CPA6: variants seen among roughly 807,000 people sequenced by gnomAD.
CPA6 encodes the protein carboxypeptidase B.
In CPA6, 58 loss-of-function variants were observed where a neutral mutation model predicts 63.3. That is an observed-to-expected ratio of 0.92 (90% CI 0.74 to 1.14). CPA6 has a LOEUF of 1.14. Ranked by LOEUF, CPA6 falls within the 50% of genes most tolerant of loss-of-function variation. The pLI, the probability that CPA6 is intolerant of heterozygous loss-of-function variation, is 0.00. For synonymous variants in CPA6, 185 were observed against 179.0 expected, an observed-to-expected ratio of 1.03 and a Z score of -0.27; for missense variants, 565 against 526.6, an observed-to-expected ratio of 1.07 and a Z score of -0.71.
intron 2 of CPA6, among the ~76,000 whole-genome samples, chr8:67,557,477 T>C (rs1813090245): frequency 6.6e-6 from 1 of 152,224 alleles, no homozygotes; most frequent in African/African-American, 2.4e-5. Context: ...ATTGCATCAG[T>C]TGGCTCTAGT....
chr8:67,661,915 A>C (rs1336201086), intron 1 of CPA6, among the ~76,000 whole-genome samples: 1 of 152,174 alleles, frequency 6.6e-6, no homozygotes, highest in Non-Finnish European at 1.5e-5. Flanking sequence ...TTTAAGGTTC[A>C]TCCATGTTGT....
chr8:67,620,685 T>C (rs1815059340), intron 2 of CPA6, among the ~76,000 whole-genome samples: 1 of 152,222 alleles, frequency 6.6e-6, no homozygotes, highest in African/African-American at 2.4e-5. Flanking sequence ...TTTGCTTGGT[T>C]GAAATCATTC....
intron 8 of CPA6, among the ~76,000 whole-genome samples, chr8:67,470,060 G>A (rs1298775096): frequency 6.8e-6 from 1 of 147,340 alleles, no homozygotes; most frequent in Non-Finnish European, 1.5e-5. Flanking sequence ...TTCTGAGGCA[G>A]AGTCTCACTC....
intron 6 of CPA6, among the ~76,000 whole-genome samples, chr8:67,496,605 G>C (rs543624239): frequency 2.4e-4 from 35 of 142,932 alleles, no homozygotes; most frequent in African/African-American, 8.6e-4. Context: ...CTGTTGCCCA[G>C]GCTAGAGTGC....
chr8:67,446,889 G>C (rs1422657114), intron 8 of CPA6, among the ~76,000 whole-genome samples: 2 of 151,928 alleles, frequency 1.3e-5, no homozygotes, highest in Admixed American at 1.3e-4. Flanking sequence ...TACACATACT[G>C]GTGTGCAGTG....
intron 8 of CPA6, among the ~76,000 whole-genome samples, chr8:67,475,805 CTTTCTTTCTTTCCTTTCTTTTCTTT>C (rs1563967438): frequency 0.031 from 1,810 of 58,980 alleles, 77 homozygotes; most frequent in African/African-American, 0.071. Flanking sequence ...TTCTTTCTTT[CTTTCTTTCTTTCCTTTCTTTTCTTT>C]CTTTCTTTCT....
chr8:67,696,285 C>T (rs1361547806), intron 1 of CPA6, among the ~76,000 whole-genome samples: 1 of 152,152 alleles, frequency 6.6e-6, no homozygotes, highest in Non-Finnish European at 1.5e-5. Context: ...TATATAAATG[C>T]ATGTACAATG....
rs56275918 is a variant in CPA6 at position 67,716,151 on chromosome 8, C to CAAAAAAAAAAAAAAAAAAAAAAAAA, written c.116+29838_116+29862dup. Among the ~76,000 whole-genome samples, 20 of 76,546 alleles carry CAAAAAAAAAAAAAAAAAAAAAAAAA rather than the reference C, an allele frequency of 2.6e-4. 2 individuals carry two copies. The highest frequency in any genetic ancestry group is 1.2e-3 in the African/African-American group (18 of 14,920). 50.2% of individuals were successfully genotyped at this position (76,546 alleles called of 152,430 possible). ...CCTGGGCGAGAGAGTGAGCTTGTCTCAAAAAAAAAAAAAAAAAAAAAAAAA... is the reference window on the plus strand; with the variant it reads ...CCTGGGCGAGAGAGTGAGCTTGTCTCAAAAAAAAAAAAAAAAAAAAAAAAAAAAAAAAAAAAAAAAAAAAAAAAAA... On this transcript the variant is annotated intron_variant, in intron 1 of 10. Coordinates refer to ENST00000297770, the MANE Select transcript of CPA6 (RefSeq NM_020361.5).
At chr8:67,743,190 C>T (rs1441890804) in intron 1 of CPA6, among the ~76,000 whole-genome samples, 1 of 152,146 alleles carries the variant, frequency 6.6e-6, no homozygotes, top group Non-Finnish European at 1.5e-5. Context: ...TTCCACTTTG[C>T]TTCATTCCTT....
intron 8 of CPA6, among the ~76,000 whole-genome samples, chr8:67,461,823 C>T (rs556853620): frequency 8.5e-5 from 13 of 152,100 alleles, no homozygotes; most frequent in Admixed American, 2.0e-4. Flanking sequence ...GGGGGCTGAC[C>T]CCCCCACCTC....
chr8:67,723,461 G>A (rs572406653), intron 1 of CPA6, among the ~76,000 whole-genome samples: 7 of 152,266 alleles, frequency 4.6e-5, no homozygotes, highest in South Asian at 2.1e-4. Flanking sequence ...GCCACCGTGC[G>A]TGGCGGAGGA....
chr8:67,428,274 T>C, intron 9 of CPA6, 143 bp from the exon 10 acceptor site: 1 of 539,688 alleles, frequency 1.9e-6, no homozygotes, highest in Non-Finnish European at 3.3e-6. Flanking sequence ...ATATTACTCT[T>C]ATGTCACACG....
At chr8:67,611,424 G>A (rs1260678003) in intron 2 of CPA6, among the ~76,000 whole-genome samples, 2 of 152,068 alleles carry the variant, frequency 1.3e-5, no homozygotes, top group Non-Finnish European at 2.9e-5. Context: ...ACTTTAGATG[G>A]TAGGGTTAGG....
At chr8:67,630,575 GCCCTCGCT>G (rs1815301295) in intron 1 of CPA6, among the ~76,000 whole-genome samples, 1 of 152,262 alleles carries the variant, frequency 6.6e-6, no homozygotes, top group Admixed American at 6.5e-5. Flanking sequence ...TGTGCTGGCA[GCCCTCGCT>G]CCCTCTCAGT....
chr8:67,704,746 T>TGAGG (rs1180006439), intron 1 of CPA6, among the ~76,000 whole-genome samples: 2 of 152,184 alleles, frequency 1.3e-5, no homozygotes, highest in African/African-American at 2.4e-5. Context: ...TAAGGATGAA[T>TGAGG]GAGGGTCACC....
At chr8:67,617,854 T>C (rs996370617) in intron 2 of CPA6, among the ~76,000 whole-genome samples, 4 of 152,220 alleles carry the variant, frequency 2.6e-5, no homozygotes, top group Non-Finnish European at 5.9e-5. Flanking sequence ...TTCCTTTTAG[T>C]AGGCTTTAGA....
chr8:67,610,093 G>A (rs1316166868), intron 2 of CPA6, among the ~76,000 whole-genome samples: 1 of 152,074 alleles, frequency 6.6e-6, no homozygotes, highest in African/African-American at 2.4e-5. Flanking sequence ...ACCATAGTTA[G>A]GCCAGTCACA....
chr8:67,528,206 T>C (rs904721830), intron 2 of CPA6, among the ~76,000 whole-genome samples: 3 of 152,146 alleles, frequency 2.0e-5, no homozygotes, highest in African/African-American at 7.2e-5. Flanking sequence ...TTCAGACATA[T>C]TTTGAGAGGT....
At chr8:67,731,113 A>G (rs1817697263) in intron 1 of CPA6, among the ~76,000 whole-genome samples, 1 of 152,214 alleles carries the variant, frequency 6.6e-6, no homozygotes, top group Non-Finnish European at 1.5e-5. Context: ...CTACTTTACC[A>G]TTTCATCTAA....
Sources: allele counts gnomAD v4.1 joint callset (sites outside exome capture counted in the v4.1 genomes callset), GRCh38; gene constraint gnomAD v4.1.1; transcripts MANE v1.5; gene names NCBI Gene and HGNC (gene_info 2026-07-23, HGNC 2026-07-21).